ATP23: variants seen among roughly 807,000 people sequenced by gnomAD.
The protein encoded by ATP23 is ATP23 metallopeptidase and ATP synthase assembly factor homolog.
In ATP23, 24 loss-of-function variants were observed where a neutral mutation model predicts 28.5. That is an observed-to-expected ratio of 0.84 (90% CI 0.61 to 1.18). ATP23 has a LOEUF of 1.18. ATP23 is among the 50% of genes most tolerant of loss of function. The pLI is 0.00. For missense variants in ATP23, 274 were observed against 306.4 expected (o/e 0.89, Z 0.79); for synonymous variants, 99 against 108.6 (o/e 0.91, Z 0.55).
At chr12:57,952,065 A>G (rs923521472) in intron 4 of ATP23, among the ~76,000 whole-genome samples, 170 bp downstream of exon 4, 2 of 152,236 alleles carry the variant, frequency 1.3e-5, no homozygotes, top group Non-Finnish European at 2.9e-5. Flanking sequence ...AGAGAAATTT[A>G]AAGTGTATTT....
intron 5 of ATP23, among the ~76,000 whole-genome samples, chr12:57,956,123 A>G (rs1956863847): frequency 6.6e-6 from 1 of 152,188 alleles, no homozygotes; most frequent in African/African-American, 2.4e-5. Flanking sequence ...TGTGTAAAGA[A>G]CAATCAGGAA....
chr12:57,942,836 C>T (rs1430981785), intron 1 of ATP23, among the ~76,000 whole-genome samples: 1 of 152,200 alleles, frequency 6.6e-6, no homozygotes, highest in Non-Finnish European at 1.5e-5. Context: ...AGGGACACAA[C>T]TGCCCATTGA....
In ATP23 at chr12:57,956,709, CTCTT is replaced by C. The variant is rs752298966; in HGVS notation, c.564_567del (p.Ile190TrpfsTer10). 6 of 1,613,354 alleles carry C rather than the reference CTCTT, an allele frequency of 3.7e-6. No homozygotes were observed. The South Asian group carries it at 4.4e-5, about 12-fold the overall frequency. On this transcript the variant is annotated frameshift_variant, in exon 6 of 6. Transcript: ENST00000300145. LOFTEE classifies it high-confidence loss of function. ...TAGACTTGTGTGCGAGACAGAGCCA[CTCTT>C]TCTATCCTGGCTGTTAGGAATATCA... is the stretch of plus-strand genomic sequence containing the variant.
Position 57,953,637 on chromosome 12 carries a change from C to T in ATP23, c.485C>T (p.Ser162Leu). The change falls in exon 5 of 6, where the codon TCA becomes TTA. Residue 162 changes from serine to leucine, a missense_variant. By Grantham distance (145) the Ser-to-Leu change is moderately radical. Transcript: ENST00000300145. ...VRAANLSGDC[S>L]LVNEIFRLHF... is the part of the protein sequence containing the mutation. ...GCTGCTAACCTTAGTGGAGACTGCT[C>T]ACTTGTCAATGAAATATTCAGGTTA... The T allele has an allele frequency of 6.2e-7, 1 of 1,614,046 alleles. No individual in the cohort carries two copies. The highest frequency in any genetic ancestry group is 8.5e-7 in the Non-Finnish European group (1 of 1,180,004).
chr12:57,944,476 T>G (rs957892764), intron 1 of ATP23, among the ~76,000 whole-genome samples: 3 of 152,202 alleles, frequency 2.0e-5, no homozygotes, highest in Admixed American at 1.3e-4. Flanking sequence ...GAGTCTTAGA[T>G]GTGGAAGGGC....
At chr12:57,944,512 G>A (rs931743281) in intron 1 of ATP23, among the ~76,000 whole-genome samples, 3 of 152,152 alleles carry the variant, frequency 2.0e-5, no homozygotes, top group Non-Finnish European at 2.9e-5. Context: ...AGGCCTCCCC[G>A]TCCCCTTACA....
Position 57,946,930 on chromosome 12 carries a change from T to A in ATP23, c.234-65T>A. On this transcript the variant is annotated intron_variant, in intron 2 of 5. Transcript: ENST00000300145. ...ATATGGTGGAGGGTCTCCTGAGCCCTGGCCCAGGGCTGTTTGCCACATACA... is the reference window on the plus strand; with the variant it reads ...ATATGGTGGAGGGTCTCCTGAGCCCAGGCCCAGGGCTGTTTGCCACATACA... 10 of 1,468,812 alleles carry A rather than the reference T, an allele frequency of 6.8e-6. No homozygotes were observed. In the South Asian group the frequency reaches 1.2e-4, roughly 18 times the overall value. 91.0% of individuals were successfully genotyped at this position (1,468,812 alleles called of 1,614,324 possible). A position where few individuals can be genotyped will look rare whatever the true frequency, so the allele number is the denominator to read the frequency against.
At chr12:57,951,002 A>G (rs1956809574) in intron 3 of ATP23, among the ~76,000 whole-genome samples, 1 of 152,248 alleles carries the variant, frequency 6.6e-6, no homozygotes, top group African/African-American at 2.4e-5. Context: ...GAATGTATAT[A>G]AATATCTGGC....
At chr12:57,951,710 A>G (rs1193866931) in intron 3 of ATP23, 48 bp from the exon 4 acceptor site, 24 of 1,604,582 alleles carry the variant, frequency 1.5e-5, no homozygotes, top group Non-Finnish European at 2.0e-5. Flanking sequence ...GAGTCTATGG[A>G]AGGAGATTTT....
intron 5 of ATP23, 50 bp from the exon 6 acceptor site, chr12:57,956,637 G>T: frequency 7.6e-7 from 1 of 1,323,380 alleles, no homozygotes; most frequent in Non-Finnish European, 1.0e-6. Context: ...ATTATTTCGT[G>T]ATTAAATGTT....
rs925865359 is a variant in ATP23 at position 57,957,294 on chromosome 12, C to A, written c.*404C>A. 6 of 157,100 alleles carry A rather than the reference C, an allele frequency of 3.8e-5. No individual in the cohort carries two copies. The highest frequency in any genetic ancestry group is 8.4e-5 in the Non-Finnish European group (6 of 71,510). 9.7% of individuals were successfully genotyped at this position (157,100 alleles called of 1,614,324 possible). A position where few individuals can be genotyped will look rare whatever the true frequency, so the allele number is the denominator to read the frequency against. On this transcript the variant is annotated 3_prime_UTR_variant, in exon 6 of 6. Coordinates refer to ENST00000300145, the MANE Select transcript of ATP23 (RefSeq NM_033276.4). ...ATCTCATTGTAGGATACTTATTGAG[C>A]TGTTGTTATGATGAAAATTGGAAAT...
Position 57,958,034 on chromosome 12 carries a change from T to C in ATP23, c.*1144T>C, listed in dbSNP as rs1956884798. Among the ~76,000 whole-genome samples the C allele has an allele frequency of 6.6e-6, 1 of 152,132 alleles. No homozygotes were observed. Among genetic ancestry groups the C allele is most frequent in the East Asian group, 1.9e-4 (1 of 5,186 alleles). On this transcript the variant is annotated 3_prime_UTR_variant, in exon 6 of 6. Coordinates refer to ENST00000300145, the MANE Select transcript of ATP23 (RefSeq NM_033276.4). ...CACCACCTGGAAGCAGACTTGGGGC[T>C]GTGGTGGGGGGCATGGTGGGAGTGA...
chr12:57,945,595 C>T, intron 1 of ATP23, 33 bp from the exon 2 acceptor site: 1 of 1,581,368 alleles, frequency 6.3e-7, no homozygotes, highest in Non-Finnish European at 8.7e-7. Context: ...TGCTACTTTT[C>T]CAATTACTTA....
chr12:57,950,044 A>G (rs1043451158), intron 3 of ATP23, among the ~76,000 whole-genome samples: 1 of 152,162 alleles, frequency 6.6e-6, no homozygotes, highest in African/African-American at 2.4e-5. Context: ...GGCTTCCACC[A>G]CCATTCTAGC....
intron 5 of ATP23, among the ~76,000 whole-genome samples, chr12:57,954,011 G>A (rs1191044407): frequency 6.6e-6 from 1 of 151,900 alleles, no homozygotes; most frequent in Non-Finnish European, 1.5e-5. Flanking sequence ...TGGCCAACAT[G>A]GTGAAACCCC....
intron 5 of ATP23, among the ~76,000 whole-genome samples, chr12:57,956,477 C>G (rs1231368068): frequency 6.6e-6 from 1 of 151,638 alleles, no homozygotes; most frequent in Admixed American, 6.6e-5. Context: ...GAAGGTCTTA[C>G]TTATGCCTAA....
Position 57,957,966 on chromosome 12 carries a change from G to A in ATP23, c.*1076G>A, listed in dbSNP as rs1032069425. On this transcript the variant is annotated 3_prime_UTR_variant, in exon 6 of 6. Coordinates refer to ENST00000300145, the MANE Select transcript of ATP23 (RefSeq NM_033276.4). ...AACCAAGCTCTTTTCTTTCACAGCT[G>A]GGAGGTGGGTAGCCTGGGGCAAGTT... Among the ~76,000 whole-genome samples, 1 of 152,198 alleles carries A rather than the reference G, an allele frequency of 6.6e-6. No homozygotes were observed. The highest frequency in any genetic ancestry group is 1.5e-5 in the Non-Finnish European group (1 of 68,036).
chr12:57,956,854 C>G lies in ATP23; in HGVS notation c.705C>G (p.Asp235Glu). Residue 235 changes from aspartate to glutamate, a missense_variant, in exon 6 of 6, where the codon GAC becomes GAG. Physicochemically the swap from Asp to Glu is conservative, Grantham distance 45 (BLOSUM62 2). Coordinates refer to ENST00000300145, the MANE Select transcript of ATP23 (RefSeq NM_033276.4). ...CTTATGCAAGATATGCTCACAGAGA[C>G]TTTGAAAACCGTGATCGGTATTATT... ...NKTYARYAHR[D>E]FENRDRYYSN... 2 of 1,612,692 alleles carry G rather than the reference C, an allele frequency of 1.2e-6. No homozygotes were observed. The highest frequency in any genetic ancestry group is 1.7e-6 in the Non-Finnish European group (2 of 1,179,538).
chr12:57,943,786 G>A (rs997034857), intron 1 of ATP23, among the ~76,000 whole-genome samples: 6 of 152,178 alleles, frequency 3.9e-5, no homozygotes, highest in Non-Finnish European at 5.9e-5. Context: ...CACAGTGGAG[G>A]AAGAGTGGAA....
Sources: gnomAD v4.1 joint callset for allele counts (sites outside exome capture counted in the v4.1 genomes callset) on GRCh38, gnomAD v4.1.1 for gene constraint, MANE v1.5 for transcripts, NCBI Gene and HGNC (gene_info 2026-07-23, HGNC 2026-07-21) for gene names.